The following MREG variants were observed in gnomAD, a reference collection of about 807,000 sequenced individuals.
MREG encodes the protein melanoregulin.
In MREG, 31 loss-of-function variants were observed where a neutral mutation model predicts 28.5. The ratio of observed to expected loss-of-function variants is 1.09; its 90% CI spans 0.82 to 1.47. The LOEUF (loss-of-function observed/expected upper bound fraction) is 1.47. Ranked by LOEUF, MREG falls within the 40% of genes most tolerant of loss-of-function variation. The probability of loss-of-function intolerance (pLI) is 0.00; values close to 1 mark genes in which losing one functional copy is unlikely to be tolerated. For synonymous variants in MREG, 106 were observed against 95.2 expected, an observed-to-expected ratio of 1.11 and a Z score of -0.66; for missense variants, 256 against 257.4, an observed-to-expected ratio of 0.99 and a Z score of 0.04.
chr2:216,026,062 G>C lies in MREG; in HGVS notation c.-68+6727C>G, dbSNP rs564622877. Among the ~76,000 whole-genome samples, 25 of 152,282 alleles carry C rather than the reference G, an allele frequency of 1.6e-4. No homozygotes were observed. The East Asian group carries it at 4.6e-3, about 28-fold the overall frequency. On this transcript the variant is annotated intron_variant, in intron 1 of 3. Transcript: ENST00000420348. ...TAGAAGTACTGACATATGCTACAAT[G>C]TGGATGACCCTCAAAAACATTATGA... is the stretch of plus-strand genomic sequence containing the variant.
At chr2:215,941,570 C>T (rs955334900), downstream of MREG, 14 of 152,206 alleles carry the variant, frequency 9.2e-5, no homozygotes, top group African/African-American at 3.4e-4. Flanking sequence ...CATTGCCATA[C>T]ACACTTGCAG....
intron 3 of MREG, 106 bp downstream of exon 3, chr2:215,946,917 T>C: frequency 4.3e-6 from 3 of 702,988 alleles, no homozygotes. Context: ...GTAGTCTTAA[T>C]TAGGCAATTA....
rs1007608593 is a variant in MREG, at chr2:215,943,570, G to A, written c.*1293C>T. The stretch of plus-strand genomic sequence containing the variant: ...AAATGCCAAGGGCTTGGCCGGGCGC[G>A]GTGACTCACGCCTGTAATCCCAGCA... On this transcript the variant is annotated 3_prime_UTR_variant, in exon 5 of 5. Coordinates refer to ENST00000263268, the MANE Select transcript of MREG (RefSeq NM_018000.3). 4.5e-6 allele frequency: 2 copies of A among 448,520 alleles called. No homozygotes were observed. The highest frequency in any genetic ancestry group is 1.6e-5 in the South Asian group (1 of 63,120). 27.8% of individuals were successfully genotyped at this position (448,520 alleles called of 1,614,324 possible). A position where few individuals can be genotyped will look rare whatever the true frequency, so the allele number is the denominator to read the frequency against.
chr2:215,952,385 T>G (rs1177637180), intron 2 of MREG, among the ~76,000 whole-genome samples: 1 of 152,160 alleles, frequency 6.6e-6, no homozygotes, highest in Non-Finnish European at 1.5e-5. Flanking sequence ...GTTAATTAAT[T>G]TGACTGCGGC....
At chr2:216,027,790 G>A (rs1694618187) in intron 1 of MREG, among the ~76,000 whole-genome samples, 2 of 152,174 alleles carry the variant, frequency 1.3e-5, no homozygotes, top group African/African-American at 4.8e-5. Context: ...TATCAAAAAT[G>A]TCCATTCTGA....
intron 1 of MREG, among the ~76,000 whole-genome samples, chr2:216,009,910 A>T (rs1694253139): frequency 6.6e-6 from 1 of 152,164 alleles, no homozygotes; most frequent in Admixed American, 6.5e-5. Context: ...AAGTGAAATA[A>T]TTACCAATGC....
intron 2 of MREG, among the ~76,000 whole-genome samples, chr2:215,995,351 C>A (rs1693838745): frequency 1.3e-5 from 2 of 152,308 alleles, no homozygotes; most frequent in South Asian, 4.1e-4. Flanking sequence ...AAGCATCCAA[C>A]TCACATCAGA....
At chr2:216,014,209 T>G (rs1694390704), upstream of MREG, among the ~76,000 whole-genome samples, 1 of 152,136 alleles carries the variant, frequency 6.6e-6, no homozygotes, top group Non-Finnish European at 1.5e-5. Flanking sequence ...TTTTAACAGT[T>G]GCATGCTAAG....
At chr2:215,980,886 A>C (rs566121737) in intron 2 of MREG, among the ~76,000 whole-genome samples, 1 of 144,762 alleles carries the variant, frequency 6.9e-6, no homozygotes, top group African/African-American at 2.5e-5. Flanking sequence ...AGGGCAGGGC[A>C]GGACAGGGCA....
At chr2:216,017,241 G>A (rs1694462349), upstream of MREG, among the ~76,000 whole-genome samples, 1 of 152,140 alleles carries the variant, frequency 6.6e-6, no homozygotes. Flanking sequence ...GTCTTGGAGA[G>A]CAATCCTTGT....
At chr2:215,947,187 T>C in intron 2 of MREG, 74 bp from the exon 3 acceptor site, 1 of 872,370 alleles carries the variant, frequency 1.1e-6, no homozygotes, top group Non-Finnish European at 1.8e-6. Flanking sequence ...AAACTTCATG[T>C]TGCCTAAACA....
intron 2 of MREG, among the ~76,000 whole-genome samples, chr2:215,977,866 G>A (rs1363140733): frequency 6.6e-6 from 1 of 152,174 alleles, no homozygotes; most frequent in Admixed American, 6.5e-5. Flanking sequence ...GAATCTCTGG[G>A]ACACATTTAA....
intron 2 of MREG, among the ~76,000 whole-genome samples, chr2:215,992,736 G>A (rs1219544032): frequency 1.3e-5 from 2 of 152,300 alleles, no homozygotes; most frequent in East Asian, 1.9e-4. Flanking sequence ...CAAAATCAAT[G>A]TGCAAAAATC....
At chr2:215,994,005 G>T (rs1295796972) in intron 2 of MREG, among the ~76,000 whole-genome samples, 1 of 152,004 alleles carries the variant, frequency 6.6e-6, no homozygotes, top group Non-Finnish European at 1.5e-5. Flanking sequence ...ACAGTGTGGC[G>T]ATTCCTCAAG....
upstream of MREG, among the ~76,000 whole-genome samples, chr2:216,015,123 G>GTGTGTGCGCGCA (rs140038896): frequency 0.022 from 3,183 of 147,634 alleles, 60 homozygotes; most frequent in Middle Eastern, 0.079. Context: ...GTGCACGCGT[G>GTGTGTGCGCGCA]TGTGTGCGCG....
intron 1 of MREG, among the ~76,000 whole-genome samples, chr2:216,020,512 C>T (rs897208746): frequency 6.6e-6 from 1 of 152,102 alleles, no homozygotes; most frequent in Admixed American, 6.5e-5. Flanking sequence ...TTGCTGTGCT[C>T]GGAGGGAGAA....
At chr2:215,977,763 C>A (rs1364973371) in intron 2 of MREG, among the ~76,000 whole-genome samples, 1 of 152,184 alleles carries the variant, frequency 6.6e-6, no homozygotes, top group Non-Finnish European at 1.5e-5. Flanking sequence ...AACTGAACAA[C>A]CTGCTCCTGA....
In MREG at chr2:215,945,675, A is replaced by G; in HGVS notation, c.406T>C (p.Ser136Pro). ...SVTKLSTISD[S>P]KNTRKAREML... ...TCTCGAGCTTTCCTTGTGTTTTTAG[A>G]ATCACTGATGGTGCTGAGTTTAGTC... Residue 136 changes from serine (S) to proline (P), a missense_variant, in exon 4 of 5, where the codon TCT becomes CCT. Coordinates refer to ENST00000263268, the MANE Select transcript of MREG (RefSeq NM_018000.3). 1 of 1,613,936 alleles carries G rather than the reference A, an allele frequency of 6.2e-7. No individual in the cohort carries two copies.
At chr2:215,994,400 T>C (rs962839769) in intron 2 of MREG, among the ~76,000 whole-genome samples, 1 of 151,540 alleles carries the variant, frequency 6.6e-6, no homozygotes, top group Non-Finnish European at 1.5e-5. Flanking sequence ...CGTCACACAC[T>C]TGGGCCTGTC....
Sources: allele counts gnomAD v4.1 joint callset (sites outside exome capture counted in the v4.1 genomes callset), GRCh38; gene constraint gnomAD v4.1.1; transcripts MANE v1.5; gene names NCBI Gene and HGNC (gene_info 2026-07-23, HGNC 2026-07-21).